UGT2A3: variants seen among roughly 807,000 people sequenced by gnomAD.
The protein encoded by UGT2A3 is UDP-glucuronosyltransferase 2A3.
Under a neutral mutation model 44.1 loss-of-function variants are expected in UGT2A3, and 55 were observed. That is an observed-to-expected ratio of 1.25 (90% CI 1.00 to 1.56). The LOEUF is 1.56. Ranked by LOEUF, UGT2A3 falls within the 40% of genes most tolerant of loss-of-function variation. UGT2A3 has a pLI of 0.00. For missense variants in UGT2A3, 733 were observed against 621.6 expected (o/e 1.18, Z -1.91); for synonymous variants, 243 against 215.1 (o/e 1.13, Z -1.13).
At chr4:68,945,626 A>T (rs1718358521) in intron 1 of UGT2A3, among the ~76,000 whole-genome samples, 172 bp from the exon 2 acceptor site, 1 of 151,336 alleles carries the variant, frequency 6.6e-6, no homozygotes. Flanking sequence ...AAGAAAAAAG[A>T]AAGAAAGGAA....
chr4:68,945,243 T>A (rs1718340306), intron 2 of UGT2A3, 63 bp downstream of exon 2: 3 of 1,581,262 alleles, frequency 1.9e-6, no homozygotes, highest in Non-Finnish European at 2.6e-6. Flanking sequence ...AAGGTTGTAA[T>A]CTTTCAAGGG....
chr4:68,929,909 C>A lies in UGT2A3; in HGVS notation c.1488G>T (p.Leu496=), dbSNP rs371586166. Residue 496 remains leucine, a synonymous_variant, in exon 6 of 6, where the codon CTG becomes CTT. Transcript: ENST00000251566. ...AGAATATAGCAGTTGCCACACAGGC[C>A]AGCAGGAACCCAATCACATCTATAG... The part of the protein sequence containing the change: ...HYSIDVIGFL[L]ACVATAIFLF... The A allele has an allele frequency of 1.0e-4, 166 of 1,613,324 alleles. No homozygotes were observed. Among genetic ancestry groups the A allele is most frequent in the Middle Eastern group, 4.9e-4 (3 of 6,070 alleles).
At chr4:68,942,355 A>G (rs1287179997) in intron 2 of UGT2A3, among the ~76,000 whole-genome samples, 3 of 147,406 alleles carry the variant, frequency 2.0e-5, no homozygotes, top group Non-Finnish European at 4.5e-5. Flanking sequence ...ATATATATGC[A>G]ATGAAATGGA....
At chr4:68,937,201 T>C (rs1717985986) in intron 2 of UGT2A3, among the ~76,000 whole-genome samples, 1 of 152,148 alleles carries the variant, frequency 6.6e-6, no homozygotes, top group African/African-American at 2.4e-5. Flanking sequence ...AACTCAGCTC[T>C]GCTCCAAGCA....
At chr4:68,931,833 T>C (rs1054483974) in intron 3 of UGT2A3, among the ~76,000 whole-genome samples, 1 of 152,046 alleles carries the variant, frequency 6.6e-6, no homozygotes, top group African/African-American at 2.4e-5. Flanking sequence ...TACACAATTT[T>C]TCTTTGTTGG....
At chr4:68,934,881 G>A (rs959259132) in intron 2 of UGT2A3, among the ~76,000 whole-genome samples, 2 of 151,354 alleles carry the variant, frequency 1.3e-5, no homozygotes, top group Non-Finnish European at 2.9e-5. Flanking sequence ...AAATCTTAAG[G>A]ATTCTTAAAA....
chr4:68,941,290 T>A (rs774008391), intron 2 of UGT2A3, among the ~76,000 whole-genome samples: 1 of 151,782 alleles, frequency 6.6e-6, no homozygotes, highest in African/African-American at 2.4e-5. Context: ...ATTTGATATA[T>A]AAATTTGCTA....
intron 2 of UGT2A3, among the ~76,000 whole-genome samples, chr4:68,940,274 A>G (rs1302250321): frequency 6.6e-6 from 1 of 152,142 alleles, no homozygotes; most frequent in Non-Finnish European, 1.5e-5. Flanking sequence ...CACTATTCAC[A>G]ATAGCAAAGA....
At chr4:68,939,855 AAAAC>A (rs1219949250) in intron 2 of UGT2A3, among the ~76,000 whole-genome samples, 1 of 152,186 alleles carries the variant, frequency 6.6e-6, no homozygotes, top group Non-Finnish European at 1.5e-5. Context: ...TTACAGGAAA[AAAAC>A]AAACAACTCC....
chr4:68,945,529 C>T lies in UGT2A3; in HGVS notation c.716-75G>A, dbSNP rs535494853. ...ATTGTATCACTAATTTTTCAGTAAG[C>T]TATTAAGAAAAAAATAAGTTTAAGT... is the stretch of plus-strand genomic sequence containing the variant. On this transcript the variant is annotated intron_variant, in intron 1 of 5. Transcript: ENST00000251566. 18 of 1,332,960 alleles carry T rather than the reference C, an allele frequency of 1.4e-5. No individual in the cohort carries two copies. The South Asian group carries it at 2.7e-4, about 20-fold the overall frequency. The allele number at this position is 1,332,960 out of a possible 1,614,324, so 82.6% of individuals were successfully genotyped here.
intron 5 of UGT2A3, 121 bp from the exon 6 acceptor site, chr4:68,930,213 C>T: frequency 1.8e-6 from 2 of 1,141,376 alleles, no homozygotes; most frequent in Admixed American, 5.0e-5. Context: ...AAGATTGATT[C>T]TGGTTGTGAC....
At chr4:68,936,553 C>T (rs919647936) in intron 2 of UGT2A3, among the ~76,000 whole-genome samples, 3 of 151,942 alleles carry the variant, frequency 2.0e-5, no homozygotes, top group East Asian at 1.9e-4. Flanking sequence ...CAAGAGCTCC[C>T]GAAGGAAGCA....
At chr4:68,942,070 G>A (rs186485712) in intron 2 of UGT2A3, among the ~76,000 whole-genome samples, 20 of 151,728 alleles carry the variant, frequency 1.3e-4, no homozygotes, top group Admixed American at 9.2e-4. Flanking sequence ...AAACGGTATG[G>A]TAGTTCCTCA....
At chr4:68,937,912 G>A (rs182734249) in intron 2 of UGT2A3, among the ~76,000 whole-genome samples, 164 of 151,972 alleles carry the variant, frequency 1.1e-3, no homozygotes, top group Middle Eastern at 3.4e-3. Context: ...ACAAACTACC[G>A]TCAGAGAATA....
intron 2 of UGT2A3, among the ~76,000 whole-genome samples, chr4:68,944,477 T>C (rs138797590): frequency 1.3e-4 from 20 of 151,940 alleles, no homozygotes; most frequent in African/African-American, 3.9e-4. Context: ...CAACTATTAC[T>C]CACTTTTACT....
In UGT2A3 at chr4:68,931,179, A is replaced by G. The variant is rs1560454887; in HGVS notation, c.1060T>C (p.Trp354Arg). 3.1e-6 allele frequency: 5 copies of G among 1,613,004 alleles called. No homozygotes were observed. The highest frequency in any genetic ancestry group is 4.2e-6 in the Non-Finnish European group (5 of 1,179,342). ...TLGANTRLYDWIPQNDLLGHP... is the reference protein window; with the variant it reads ...TLGANTRLYDRIPQNDLLGHP... Reference sequence around the variant, plus strand: ...CCAAGAAGATCATTCTGGGGTATCCAATCATACAGCCGAGTATTGGCTCCT... The same window carrying G: ...CCAAGAAGATCATTCTGGGGTATCCGATCATACAGCCGAGTATTGGCTCCT... Residue 354 changes from tryptophan to arginine, a missense_variant, in exon 4 of 6, where the codon TGG becomes CGG. Transcript: ENST00000251566.
At chr4:68,938,768 G>C (rs966170315) in intron 2 of UGT2A3, among the ~76,000 whole-genome samples, 2 of 152,110 alleles carry the variant, frequency 1.3e-5, no homozygotes, top group Non-Finnish European at 2.9e-5. Flanking sequence ...AATTGTCCCC[G>C]TTTGCAGATG....
intron 1 of UGT2A3, among the ~76,000 whole-genome samples, chr4:68,945,930 G>A (rs892680494): frequency 6.6e-6 from 1 of 151,498 alleles, no homozygotes; most frequent in Non-Finnish European, 1.5e-5. Context: ...CTATAGTCAA[G>A]GGTATATCTT....
Position 68,930,052 on chromosome 4 carries a change from C to T in UGT2A3, c.1345G>A (p.Asp449Asn), listed in dbSNP as rs1560454014. 1 of 1,613,090 alleles carries T rather than the reference C, an allele frequency of 6.2e-7. No individual in the cohort carries two copies. Among genetic ancestry groups the T allele is most frequent in the Non-Finnish European group, 8.5e-7 (1 of 1,179,514 alleles). Residue 449 changes from aspartate (D) to asparagine (N), a missense_variant, in exon 6 of 6, where the codon GAT becomes AAT. Asp to Asn is a conservative substitution (Grantham distance 23). Coordinates refer to ENST00000251566, the MANE Select transcript of UGT2A3 (RefSeq NM_024743.4). The stretch of plus-strand genomic sequence containing the variant: ...CGATCTAGGGGCTTTACAGGTTGAT[C>T]ATGGTGAATTCTTGATAATCTCATA... ...NAMRLSRIHH[D>N]QPVKPLDRAV...
Sources: allele counts gnomAD v4.1 joint callset (sites outside exome capture counted in the v4.1 genomes callset), GRCh38; gene constraint gnomAD v4.1.1; transcripts MANE v1.5; gene names NCBI Gene and HGNC (gene_info 2026-07-23, HGNC 2026-07-21).